The following HERC2 variants were observed in gnomAD, a reference collection of about 807,000 sequenced individuals.
The protein encoded by HERC2 is E3 ubiquitin-protein ligase HERC2.
HERC2 carries 102 observed loss-of-function variants against 537.7 expected under a neutral mutation model. The ratio of observed to expected loss-of-function variants is 0.19; its 90% CI spans 0.16 to 0.22. The LOEUF is 0.22. Among genes scored for constraint, HERC2 ranks in the 10% least tolerant of loss-of-function variants. The pLI, the probability that HERC2 is intolerant of heterozygous loss-of-function variation, is 1.00. For synonymous variants in HERC2, 2,224 were observed against 2,466.2 expected (o/e 0.90, Z 2.91); for missense variants, 4,236 against 6,198.2 (o/e 0.68, Z 10.63).
Position 28,113,991 on chromosome 15 carries a change from A to G in HERC2, c.13914-313T>C, listed in dbSNP as rs1887946035. The stretch of plus-strand genomic sequence containing the variant: ...GCACCAAGAGGGGAAACACATGTGC[A>G]TCCGCCCCAGGCCCGAGACACTGTG... On this transcript the variant is annotated intron_variant, in intron 90 of 92. Transcript: ENST00000261609. This position sits in a 1 kb window ranked among gnomAD's most constrained non-coding sequence, Gnocchi z 7.0. Among the ~76,000 whole-genome samples, 1 of 152,184 alleles carries G rather than the reference A, an allele frequency of 6.6e-6. No homozygotes were observed. The highest frequency in any genetic ancestry group is 6.5e-5 in the Admixed American group (1 of 15,280).
Position 28,242,339 on chromosome 15 carries a change from C to T in HERC2, c.3577+3542G>A, listed in dbSNP as rs956569483. ...CTTCCAAGAAAAGAATAGGCAGGAA[C>T]ATTCTCCTACTCACTCTACAAGATT... On this transcript the variant is annotated intron_variant, in intron 23 of 92. Transcript: ENST00000261609. Among the ~76,000 whole-genome samples, 2 of 152,156 alleles carry T rather than the reference C, an allele frequency of 1.3e-5. 1 individual carries two copies. The highest frequency in any genetic ancestry group is 3.9e-4 in the East Asian group (2 of 5,190).
In HERC2 at chr15:28,169,607, C is replaced by G. The variant is rs755062921; in HGVS notation, c.10106G>C (p.Gly3369Ala). The change falls in exon 66 of 93, where the codon GGT (glycine) becomes GCT (alanine). Residue 3369 changes from glycine to alanine, a missense_variant. Gly to Ala is a moderately conservative substitution (Grantham distance 60). Coordinates refer to ENST00000261609, the MANE Select transcript of HERC2 (RefSeq NM_004667.6). ...DSSAASNKIS[G>A]ASNSKPNRPS... ...GCGATTTGGCTTAGAATTACTTGCA[C>G]CACTTATTTTATTACTGGCAGCAGA... is the stretch of plus-strand genomic sequence containing the variant. The G allele has an allele frequency of 6.8e-6, 11 of 1,613,868 alleles. No homozygotes were observed. Among genetic ancestry groups the G allele is most frequent in the Non-Finnish European group, 9.3e-6 (11 of 1,179,944 alleles).
chr15:28,232,196 A>C (rs1160796927), intron 30 of HERC2, among the ~76,000 whole-genome samples: 5 of 152,238 alleles, frequency 3.3e-5, no homozygotes, highest in Non-Finnish European at 5.9e-5. Context: ...GAAACTCAGT[A>C]ATCAATACTG....
rs370736294 is a variant in HERC2, at chr15:28,116,654, G to A, written c.13609+11C>T. The A allele has an allele frequency of 1.9e-5, 30 of 1,601,464 alleles. No homozygotes were observed. The highest frequency in any genetic ancestry group is 4.5e-5 in the East Asian group (2 of 44,656). ...CACAGCGACACAGTCTCAAGCGGCC[G>A]AGAAGCTCACCCAGGAAGCGGAACA... On this transcript the variant is annotated intron_variant, in intron 88 of 92. Coordinates refer to ENST00000261609, the MANE Select transcript of HERC2 (RefSeq NM_004667.6).
chr15:28,320,806 T>C (rs1269153274), intron 2 of HERC2, among the ~76,000 whole-genome samples: 4 of 151,954 alleles, frequency 2.6e-5, no homozygotes, highest in Non-Finnish European at 5.9e-5. Flanking sequence ...AATCAAAAAA[T>C]TAGGATCTAA....
In HERC2 at chr15:28,111,674, C is replaced by T; in HGVS notation, c.*89G>A. On this transcript the variant is annotated 3_prime_UTR_variant, in exon 93 of 93. Coordinates refer to ENST00000261609, the MANE Select transcript of HERC2 (RefSeq NM_004667.6). ...TGGCTCGAGGACGGACGCTTCTCAT[C>T]AGACACACCAGGCAGCCTACAGTCT... The T allele has an allele frequency of 7.0e-7, 1 of 1,423,078 alleles. No homozygotes were observed. Among genetic ancestry groups the T allele is most frequent in the Non-Finnish European group, 9.7e-7 (1 of 1,032,882 alleles). The allele number at this position is 1,423,078 out of a possible 1,614,324, so 88.2% of individuals were successfully genotyped here. A position where few individuals can be genotyped will look rare whatever the true frequency, so the allele number is the denominator to read the frequency against.
intron 86 of HERC2, among the ~76,000 whole-genome samples, chr15:28,120,068 C>A (rs1239257609): frequency 6.6e-6 from 1 of 152,162 alleles, no homozygotes; most frequent in Non-Finnish European, 1.5e-5. Context: ...TTAGACAACG[C>A]AGAAGCCATC....
At chr15:28,254,249 C>G in intron 20 of HERC2, 91 bp downstream of exon 20, 1 of 899,676 alleles carries the variant, frequency 1.1e-6, no homozygotes, top group Non-Finnish European at 1.7e-6. Flanking sequence ...CGCCATAGCA[C>G]TCCGGCCTGG....
intron 3 of HERC2, among the ~76,000 whole-genome samples, 186 bp downstream of exon 3, chr15:28,299,216 G>A (rs1049098817): frequency 6.6e-6 from 1 of 151,928 alleles, no homozygotes; most frequent in Non-Finnish European, 1.5e-5. Context: ...TTCAATTAAC[G>A]TAAAACAATA....
chr15:28,239,851 G>A (rs549126056), intron 23 of HERC2, among the ~76,000 whole-genome samples: 6 of 152,310 alleles, frequency 3.9e-5, no homozygotes, highest in South Asian at 4.1e-4. Context: ...CACAGGGAGA[G>A]GAGGGCCTGG....
intron 66 of HERC2, among the ~76,000 whole-genome samples, chr15:28,169,001 T>C (rs1182813535): frequency 1.3e-5 from 2 of 152,230 alleles, no homozygotes; most frequent in African/African-American, 4.8e-5. Flanking sequence ...TGACTGTTTT[T>C]GTTCTGAAAC....
chr15:28,212,509 C>T lies in HERC2; in HGVS notation c.6861G>A (p.Val2287=), dbSNP rs1363492160. 3.2e-6 allele frequency: 5 copies of T among 1,584,946 alleles called. No individual in the cohort carries two copies. In the Admixed American group the frequency reaches 5.0e-5, roughly 16 times the overall value. The change falls in exon 43 of 93, where the codon GTG becomes GTA. Residue 2287 remains valine (V), a synonymous_variant. Coordinates refer to ENST00000261609, the MANE Select transcript of HERC2 (RefSeq NM_004667.6). ...TTTCTAACTTGCTTCCAGCGAGGTT[C>T]ACCAACTGAGCCCAGACAGACAGCA... is the stretch of plus-strand genomic sequence containing the variant. The part of the protein sequence containing the change: ...EPMLSVWAQL[V]NLAGSKLEKH...
In HERC2 at chr15:28,177,867, T is replaced by C. The variant is rs548522225; in HGVS notation, c.9164-358A>G. Among the ~76,000 whole-genome samples the C allele has an allele frequency of 5.3e-5, 8 of 152,310 alleles. No homozygotes were observed. The South Asian group carries it at 1.7e-3, about 32-fold the overall frequency. On this transcript the variant is annotated intron_variant, in intron 59 of 92. Coordinates refer to ENST00000261609, the MANE Select transcript of HERC2 (RefSeq NM_004667.6). This position sits in a 1 kb window ranked among gnomAD's most constrained non-coding sequence, Gnocchi z 5.0. ...GACAAAATGTAAAAATAGTGTCAAT[T>C]TAAGTTTTTGAGAACTGTACCTCAA...
intron 4 of HERC2, among the ~76,000 whole-genome samples, chr15:28,285,977 T>C (rs2076147892): frequency 6.6e-6 from 1 of 151,818 alleles, no homozygotes; most frequent in Non-Finnish European, 1.5e-5. Flanking sequence ...TCACCAAATA[T>C]AAAATAGATC....
In HERC2 at chr15:28,223,666, T is replaced by C. The variant is rs191391788; in HGVS notation, c.5465-1451A>G. 5.0e-4 allele frequency among the ~76,000 whole-genome samples: 76 copies of C among 152,310 alleles called. No homozygotes were observed. The East Asian group carries it at 0.01, about 20-fold the overall frequency. ...TTTGCAAGCAAAACTGGGGGAATTT[T>C]TCATTTTGCATAGCTTTATGTTTTC... On this transcript the variant is annotated intron_variant, in intron 35 of 92. Transcript: ENST00000261609.
rs1266878383 is a variant in HERC2, at chr15:28,144,212, G to A, written c.11164C>T (p.Arg3722Cys). ...AAGPKELLSD[R>C]CVLSCPSMDL... ...ATGGATGGACAGGAGAGGACGCAGC[G>A]GTCAGAGAGGAGTTCTTTAGGGCCT... Residue 3722 changes from arginine (R) to cysteine (C), a missense_variant, in exon 73 of 93, where the codon CGC becomes TGC. Around this residue, in one of 27 missense-constraint regions of HERC2, gnomAD observed 109 missense variants for 133.5 expected, o/e 0.82. Coordinates refer to ENST00000261609, the MANE Select transcript of HERC2 (RefSeq NM_004667.6). 1.5e-5 allele frequency: 24 copies of A among 1,613,948 alleles called. 1 individual carries two copies. The highest frequency in any genetic ancestry group is 8.9e-5 in the East Asian group (4 of 44,846).
intron 2 of HERC2, among the ~76,000 whole-genome samples, chr15:28,315,348 G>A (rs1356412985): frequency 1.3e-5 from 2 of 152,334 alleles, no homozygotes; most frequent in Admixed American, 6.5e-5. Context: ...ACTCTCTTGC[G>A]TGACATCACA....
intron 5 of HERC2, among the ~76,000 whole-genome samples, chr15:28,278,891 A>G (rs968416414): frequency 2.6e-5 from 4 of 152,262 alleles, no homozygotes; most frequent in Non-Finnish European, 5.9e-5. Flanking sequence ...TTGGAAAAGT[A>G]CAAATTTACA....
At chr15:28,312,218 A>C (rs1279714389) in intron 2 of HERC2, among the ~76,000 whole-genome samples, 1 of 152,306 alleles carries the variant, frequency 6.6e-6, no homozygotes, top group African/African-American at 2.4e-5. Flanking sequence ...AGAGAGTTAG[A>C]CTGTGAACAA....
Sources: gnomAD v4.1 joint callset for allele counts (sites outside exome capture counted in the v4.1 genomes callset) on GRCh38, gnomAD v4.1.1 for gene constraint, gnomAD v4.1.1 regional missense constraint, Gnocchi (gnomAD v3.1) non-coding constraint, MANE v1.5 for transcripts, NCBI Gene and HGNC (gene_info 2026-07-23, HGNC 2026-07-21) for gene names.